The following ROBO2 variants were observed in gnomAD, a reference collection of about 807,000 sequenced individuals.
ROBO2 encodes roundabout guidance receptor 2.
In ROBO2, 53 loss-of-function variants were observed where a neutral mutation model predicts 160.8. That is an observed-to-expected ratio of 0.33 (90% CI 0.26 to 0.41). The LOEUF is 0.41. Among genes scored for constraint, ROBO2 ranks in the 10% least tolerant of loss-of-function variants. The probability of loss-of-function intolerance (pLI) is 1.00; values close to 1 mark genes in which losing one functional copy is unlikely to be tolerated. For synonymous variants in ROBO2, 664 were observed against 611.7 expected (o/e 1.09, Z -1.26); for missense variants, 1,577 against 1,722.4 (o/e 0.92, Z 1.49).
intron 4 of ROBO2, among the ~76,000 whole-genome samples, chr3:77,492,888 A>C (rs563392466): frequency 6.6e-6 from 1 of 152,168 alleles, no homozygotes; most frequent in African/African-American, 2.4e-5. Context: ...AACCCTGATA[A>C]TAGATTATTG....
At chr3:76,965,856 A>T (rs2059258598) in intron 2 of ROBO2, among the ~76,000 whole-genome samples, 1 of 143,744 alleles carries the variant, frequency 7.0e-6, no homozygotes, top group South Asian at 2.2e-4. Flanking sequence ...GGGAAGAACC[A>T]CCCATATCTA....
At chr3:76,302,851 G>T (rs1257160459) in intron 2 of ROBO2, among the ~76,000 whole-genome samples, 1 of 152,002 alleles carries the variant, frequency 6.6e-6, no homozygotes, top group Non-Finnish European at 1.5e-5. Context: ...TATATATTCT[G>T]CAAACATCCT....
chr3:77,486,878 T>G (rs1261785085), intron 4 of ROBO2, among the ~76,000 whole-genome samples: 1 of 152,142 alleles, frequency 6.6e-6, no homozygotes, highest in East Asian at 1.9e-4. Context: ...TTCTTTGTCT[T>G]TTCGCTGGAA....
chr3:76,318,294 G>A (rs1008511843), intron 2 of ROBO2, among the ~76,000 whole-genome samples: 1 of 152,118 alleles, frequency 6.6e-6, no homozygotes, highest in Non-Finnish European at 1.5e-5. Context: ...TGAAGAAAAC[G>A]ATGTTGGGAA....
intron 2 of ROBO2, among the ~76,000 whole-genome samples, chr3:77,011,042 T>TTTTCTTTTC (rs145676324): frequency 1.7e-4 from 18 of 106,948 alleles, no homozygotes; most frequent in African/African-American, 5.1e-4. Context: ...CTTTCTTTTC[T>TTTTCTTTTC]TTTCTTTCTT....
At chr3:76,430,673 T>A (rs1182739307) in intron 2 of ROBO2, among the ~76,000 whole-genome samples, 1 of 152,084 alleles carries the variant, frequency 6.6e-6, no homozygotes, top group Admixed American at 6.5e-5. Flanking sequence ...GTTTTGATAA[T>A]TTATATCAGT....
intron 2 of ROBO2, among the ~76,000 whole-genome samples, chr3:76,701,593 T>C (rs1192140704): frequency 6.6e-6 from 1 of 152,066 alleles, no homozygotes; most frequent in Non-Finnish European, 1.5e-5. Flanking sequence ...GATGGGCACA[T>C]GTAGTCTAAT....
At chr3:76,092,371 A>G (rs969562746) in intron 2 of ROBO2, among the ~76,000 whole-genome samples, 1 of 152,172 alleles carries the variant, frequency 6.6e-6, no homozygotes, top group East Asian at 1.9e-4. Context: ...TGCTTCCTTT[A>G]TATGTCTGTT....
chr3:76,469,489 G>T lies in ROBO2; in HGVS notation c.109+531887G>T, dbSNP rs2078537238. Among the ~76,000 whole-genome samples, 5 of 152,134 alleles carry T rather than the reference G, an allele frequency of 3.3e-5. No homozygotes were observed. The South Asian group carries it at 1.0e-3, about 32-fold the overall frequency. ...AGAATAAATACAAAGTCTATTAAAA[G>T]GCTGGCAAGGCTTGTAAGATTTCAC... is the stretch of plus-strand genomic sequence containing the variant. On this transcript the variant is annotated intron_variant, in intron 2 of 26. Coordinates refer to the ROBO2 transcript ENST00000487694.
At chr3:77,550,306 T>A (rs759314827) in intron 7 of ROBO2, among the ~76,000 whole-genome samples, 1 of 152,046 alleles carries the variant, frequency 6.6e-6, no homozygotes, top group Non-Finnish European at 1.5e-5. Flanking sequence ...CAGCTCTCTG[T>A]CACACACTTT....
At chr3:76,196,515 A>G (rs1265839572) in intron 2 of ROBO2, among the ~76,000 whole-genome samples, 1 of 152,138 alleles carries the variant, frequency 6.6e-6, no homozygotes, top group African/African-American at 2.4e-5. Flanking sequence ...TCAAAGGGTT[A>G]GTCTAAGAAA....
intron 2 of ROBO2, among the ~76,000 whole-genome samples, chr3:77,175,523 G>A (rs993482751): frequency 6.6e-6 from 1 of 151,942 alleles, no homozygotes; most frequent in Non-Finnish European, 1.5e-5. Flanking sequence ...TTGGATCTAC[G>A]TGTTAGCAAC....
At chr3:75,946,087 GA>G (rs138033698) in intron 2 of ROBO2, among the ~76,000 whole-genome samples, 2 of 151,920 alleles carry the variant, frequency 1.3e-5, no homozygotes, top group Non-Finnish European at 1.5e-5. Context: ...CTTCTACCAG[GA>G]AAAAAATTGA....
chr3:77,259,963 T>C (rs1385293212), intron 2 of ROBO2, among the ~76,000 whole-genome samples: 1 of 152,206 alleles, frequency 6.6e-6, no homozygotes, highest in Non-Finnish European at 1.5e-5. Flanking sequence ...TTTACACTAA[T>C]AGCTTTGCTG....
At chr3:76,185,213 T>TATATATAG (rs1553669747) in intron 2 of ROBO2, among the ~76,000 whole-genome samples, 2 of 82,924 alleles carry the variant, frequency 2.4e-5, no homozygotes, top group African/African-American at 7.3e-5. Flanking sequence ...TATATATATA[T>TATATATAG]ATACACACAC....
At chr3:76,677,867 T>TCTCTG (rs1560359412) in intron 2 of ROBO2, among the ~76,000 whole-genome samples, 1 of 151,750 alleles carries the variant, frequency 6.6e-6, no homozygotes, top group African/African-American at 2.4e-5. Flanking sequence ...CAGGGTTATG[T>TCTCTG]CTCTGCTGAC....
At chr3:76,015,334 T>C (rs2066377343) in intron 2 of ROBO2, among the ~76,000 whole-genome samples, 1 of 152,164 alleles carries the variant, frequency 6.6e-6, no homozygotes, top group Admixed American at 6.5e-5. Flanking sequence ...ACTTAAAAGA[T>C]ACCTAACAAA....
intron 2 of ROBO2, among the ~76,000 whole-genome samples, chr3:77,294,586 C>T (rs1469203349): frequency 6.9e-6 from 1 of 145,196 alleles, no homozygotes; most frequent in Non-Finnish European, 1.5e-5. Context: ...AACAGGTAAG[C>T]TGAGGCTAGA....
At chr3:77,277,168 CTTTCTTTCTTTCTTTCT>C (rs2059905532) in intron 2 of ROBO2, among the ~76,000 whole-genome samples, 3 of 93,580 alleles carry the variant, frequency 3.2e-5, no homozygotes, top group African/African-American at 9.9e-5. Flanking sequence ...TTCTTTCTTT[CTTTCTTTCTTTCTTTCT>C]TTCTTTCTTT....
Sources: gnomAD v4.1 joint callset for allele counts (sites outside exome capture counted in the v4.1 genomes callset) on GRCh38, gnomAD v4.1.1 for gene constraint, MANE v1.5 for transcripts, NCBI Gene and HGNC (gene_info 2026-07-23, HGNC 2026-07-21) for gene names.